Variants in COG3 observed in about 807,000 individuals in gnomAD.
The protein encoded by COG3 is conserved oligomeric Golgi complex subunit 3.
In COG3, 32 loss-of-function variants were observed where a neutral mutation model predicts 114.1. The observed-to-expected ratio is 0.28, with a 90% CI of 0.21 to 0.38. The LOEUF (loss-of-function observed/expected upper bound fraction) is 0.38. Ranked by LOEUF, COG3 falls within the 10% of genes least tolerant of loss-of-function variation. The pLI is 1.00. For missense variants in COG3, 813 were observed against 973.2 expected (o/e 0.84, Z 2.19); for synonymous variants, 352 against 365.7 (o/e 0.96, Z 0.43).
chr13:45,470,129 G>C (rs1885383598), intron 1 of COG3, among the ~76,000 whole-genome samples: 1 of 152,136 alleles, frequency 6.6e-6, no homozygotes, highest in South Asian at 2.1e-4. Context: ...ATACTCTGTT[G>C]AAGAGACATT....
chr13:45,526,158 G>A (rs7983639), intron 20 of COG3, among the ~76,000 whole-genome samples: 20,528 of 125,130 alleles, frequency 0.16, 2,384 homozygotes, highest in African/African-American at 0.35. Context: ...GCGTGATCTC[G>A]GCTCACTGCA....
intron 20 of COG3, among the ~76,000 whole-genome samples, chr13:45,528,862 C>T (rs1321018287): frequency 1.3e-5 from 2 of 152,178 alleles, no homozygotes; most frequent in East Asian, 1.9e-4. Flanking sequence ...TGTCTGTATA[C>T]TCATATCTTG....
At chr13:45,501,949 T>C (rs1869586970) in intron 13 of COG3, among the ~76,000 whole-genome samples, 1 of 152,264 alleles carries the variant, frequency 6.6e-6, no homozygotes, top group African/African-American at 2.4e-5. Context: ...GCTAGTTATA[T>C]TAATTATTTA....
chr13:45,473,459 C>CT (rs1402102356), intron 1 of COG3, among the ~76,000 whole-genome samples: 1 of 152,110 alleles, frequency 6.6e-6, no homozygotes, highest in Non-Finnish European at 1.5e-5. Flanking sequence ...CCCCGGCCCC[C>CT]CTTAGATATA....
At chr13:45,465,429 G>A in intron 1 of COG3, 1 of 743,340 alleles carries the variant, frequency 1.3e-6, no homozygotes, top group South Asian at 2.1e-5. Context: ...CGGCTGTGGG[G>A]GTGTCCTGCA....
At chr13:45,525,509 G>T (rs184403623) in intron 20 of COG3, among the ~76,000 whole-genome samples, 60 of 152,050 alleles carry the variant, frequency 3.9e-4, no homozygotes, top group African/African-American at 1.4e-3. Flanking sequence ...AAAAAAAATT[G>T]TAAAAATTGA....
intron 2 of COG3, among the ~76,000 whole-genome samples, chr13:45,477,631 CTTTT>C (rs11408688): frequency 7.0e-6 from 1 of 142,986 alleles, no homozygotes; most frequent in Admixed American, 7.0e-5. Context: ...TCCATATTCT[CTTTT>C]TTTTTTTTTT....
chr13:45,517,276 A>G (rs1011151246), intron 17 of COG3, among the ~76,000 whole-genome samples: 4 of 152,164 alleles, frequency 2.6e-5, no homozygotes, highest in Admixed American at 6.5e-5. Context: ...GGAACCCCAA[A>G]TATAGGATGT....
chr13:45,477,514 C>T (rs977244336), intron 2 of COG3, among the ~76,000 whole-genome samples: 1 of 152,124 alleles, frequency 6.6e-6, no homozygotes. Flanking sequence ...TATCATCACC[C>T]CAAAAGTTTC....
At chr13:45,514,603 T>C (rs578233179) in intron 16 of COG3, among the ~76,000 whole-genome samples, 2 of 152,308 alleles carry the variant, frequency 1.3e-5, no homozygotes, top group South Asian at 4.1e-4. Context: ...AAGCTCTCAA[T>C]TTGATAGACA....
intron 1 of COG3, 174 bp downstream of exon 1, chr13:45,465,384 C>G (rs757370653): frequency 5.4e-6 from 6 of 1,113,016 alleles, no homozygotes; most frequent in Non-Finnish European, 6.1e-6. Flanking sequence ...AGGCTTCGCT[C>G]TGCCTGCGAC....
At position 45,465,120 on chromosome 13, in the gene COG3, A is replaced by G; in HGVS notation, c.84A>G (p.Arg28=). ...AAAAGCTGGCTCTCTGGGATCGGAG[A>G]CCGGACACGACGGCGCCGCTGACCG... ...AREKLALWDR[R]PDTTAPLTDR... is the part of the protein sequence containing the mutation. Residue 28 remains arginine, a synonymous_variant, in exon 1 of 23, where the codon AGA becomes AGG. Coordinates refer to ENST00000349995, the MANE Select transcript of COG3 (RefSeq NM_031431.4). 6.2e-7 allele frequency: 1 copy of G among 1,613,138 alleles called. No homozygotes were observed. Among genetic ancestry groups the G allele is most frequent in the Non-Finnish European group, 8.5e-7 (1 of 1,179,816 alleles).
intron 22 of COG3, chr13:45,531,118 C>G (rs1407969893): frequency 7.2e-6 from 7 of 969,812 alleles, no homozygotes; most frequent in Non-Finnish European, 1.2e-6. Flanking sequence ...AAGAGAAATA[C>G]ATTTTTTAAA....
chr13:45,535,633 C>A lies in COG3; in HGVS notation c.*902C>A, dbSNP rs1873501374. ...CAGTTCTTTGAAAAGCAAACACTTT[C>A]ATGTCCTGTCTATTCATTCAGCTGG... On this transcript the variant is annotated 3_prime_UTR_variant, in exon 23 of 23. Transcript: ENST00000349995. The A allele has an allele frequency of 1.0e-6, 1 of 985,644 alleles. No individual in the cohort carries two copies. Among genetic ancestry groups the A allele is most frequent in the Non-Finnish European group, 1.2e-6 (1 of 830,100 alleles). The allele number at this position is 985,644 out of a possible 1,614,324, so 61.1% of individuals were successfully genotyped here.
rs532434918 is a variant in COG3 at position 45,483,375 on chromosome 13, C to A, written c.843+20C>A. On this transcript the variant is annotated intron_variant, in intron 7 of 22. Coordinates refer to ENST00000349995, the MANE Select transcript of COG3 (RefSeq NM_031431.4). The stretch of plus-strand genomic sequence containing the variant: ...AAAAGGGTGAGTTAACTGATCTCAA[C>A]AACAGGTTTTTGTTATTGTTGTTGT... The A allele has an allele frequency of 2.0e-6, 3 of 1,533,894 alleles. No individual in the cohort carries two copies. The highest frequency in any genetic ancestry group is 2.6e-6 in the Non-Finnish European group (3 of 1,138,958).
chr13:45,466,980 A>C (rs900338789), intron 1 of COG3, among the ~76,000 whole-genome samples: 1 of 152,224 alleles, frequency 6.6e-6, no homozygotes, highest in Non-Finnish European at 1.5e-5. Flanking sequence ...GGGATCATGA[A>C]CATGGAAAAA....
At position 45,516,230 on chromosome 13, in the gene COG3, A is replaced by C; in HGVS notation, c.1897A>C (p.Lys633Gln). ...IAPFHTEFTI[K>Q]EISLDLKKTR... is the part of the protein sequence containing the mutation. ...TCCATTTCACACTGAATTCACCATT[A>C]AGGAAATTTCCCTGGACCTCAAGAA... The change falls in exon 17 of 23, where the codon AAG becomes CAG. Residue 633 changes from lysine to glutamine, a missense_variant. Lys to Gln is a moderately conservative substitution (Grantham distance 53). Coordinates refer to ENST00000349995, the MANE Select transcript of COG3 (RefSeq NM_031431.4). The C allele has an allele frequency of 1.3e-6, 2 of 1,594,306 alleles. No homozygotes were observed. Among genetic ancestry groups the C allele is most frequent in the Non-Finnish European group, 8.6e-7 (1 of 1,167,368 alleles).
At chr13:45,527,167 A>G (rs1430914674) in intron 20 of COG3, among the ~76,000 whole-genome samples, 2 of 152,194 alleles carry the variant, frequency 1.3e-5, no homozygotes, top group East Asian at 1.9e-4. Flanking sequence ...CATTTTCTCA[A>G]GTGGAACCCT....
At position 45,526,836 on chromosome 13, in the gene COG3, T is replaced by TA. The variant is rs1396990660; in HGVS notation, c.2230+1787dup. On this transcript the variant is annotated intron_variant, in intron 20 of 22. Transcript: ENST00000349995. The stretch of plus-strand genomic sequence containing the variant: ...TTCTAATCATAGTCTGACATAGTAT[T>TA]AACCACCTCTTCTGATTCCTCACAG... 2.0e-5 allele frequency among the ~76,000 whole-genome samples: 3 copies of TA among 152,312 alleles called. No homozygotes were observed. The East Asian group carries it at 5.8e-4, about 29-fold the overall frequency.
Sources: allele counts gnomAD v4.1 joint callset (sites outside exome capture counted in the v4.1 genomes callset), GRCh38; gene constraint gnomAD v4.1.1; transcripts MANE v1.5; gene names NCBI Gene and HGNC (gene_info 2026-07-23, HGNC 2026-07-21).